VPS8: variants seen among roughly 807,000 people sequenced by gnomAD.
VPS8 encodes vacuolar protein sorting-associated protein 8 homolog.
A neutral mutation model predicts 216.4 loss-of-function variants in VPS8; 129 were observed. The ratio of observed to expected loss-of-function variants is 0.60; its 90% confidence interval spans 0.52 to 0.69. VPS8 has a LOEUF of 0.69. Among genes scored for constraint, VPS8 ranks in the 30% least tolerant of loss-of-function variants. The pLI is 0.00. For synonymous variants in VPS8, 571 were observed against 565.4 expected (o/e 1.01, Z -0.14); for missense variants, 1,531 against 1,683.5 (o/e 0.91, Z 1.59).
intron 46 of VPS8, among the ~76,000 whole-genome samples, chr3:185,046,851 T>C (rs1713029032): frequency 6.6e-6 from 1 of 152,158 alleles, no homozygotes; most frequent in South Asian, 2.1e-4. Context: ...CCTGTGTTCT[T>C]ACTGCATGGC....
chr3:185,032,286 G>A (rs1295721628), intron 46 of VPS8, among the ~76,000 whole-genome samples: 2 of 152,196 alleles, frequency 1.3e-5, no homozygotes, highest in East Asian at 3.8e-4. Context: ...TTTATGTAAA[G>A]AGAGACTTGA....
At chr3:184,946,866 T>G (rs1012766261) in intron 36 of VPS8, among the ~76,000 whole-genome samples, 3 of 152,098 alleles carry the variant, frequency 2.0e-5, no homozygotes, top group African/African-American at 7.2e-5. Context: ...GTTCTTAGTT[T>G]AGACACTCTA....
chr3:184,820,864 TA>T (rs1717428905), intron 1 of VPS8, among the ~76,000 whole-genome samples: 1 of 152,196 alleles, frequency 6.6e-6, no homozygotes, highest in South Asian at 2.1e-4. Context: ...ACACTTCTGT[TA>T]TAATTAAAGT....
chr3:184,888,775 A>G (rs1295841111), intron 22 of VPS8, among the ~76,000 whole-genome samples: 4 of 152,236 alleles, frequency 2.6e-5, no homozygotes, highest in Non-Finnish European at 5.9e-5. Flanking sequence ...AATTTTATTT[A>G]GAGTAAAACG....
chr3:184,864,660 G>T (rs749589872), intron 16 of VPS8, among the ~76,000 whole-genome samples: 2 of 152,160 alleles, frequency 1.3e-5, no homozygotes, highest in Non-Finnish European at 1.5e-5. Context: ...AATAAATGGC[G>T]CACTGGTCCC....
Position 184,924,897 on chromosome 3 carries a change from A to G in VPS8, c.2490A>G (p.Gln830=), listed in dbSNP as rs761037609. ...MVENSDFTPS[Q]VGCLFTFLAR... The stretch of plus-strand genomic sequence containing the variant: ...AGAATTCAGACTTTACCCCCTCACA[A>G]GTAGGATGTCTCTTTACCTTCCTTG... Residue 830 remains glutamine (Q), a synonymous_variant, in exon 30 of 48, where the codon CAA becomes CAG. Transcript: ENST00000625842. 2 of 1,613,534 alleles carry G rather than the reference A, an allele frequency of 1.2e-6. No individual in the cohort carries two copies. Among genetic ancestry groups the G allele is most frequent in the South Asian group, 1.1e-5 (1 of 91,058 alleles).
chr3:184,909,987 C>G (rs1736176910), intron 25 of VPS8, among the ~76,000 whole-genome samples: 1 of 151,924 alleles, frequency 6.6e-6, no homozygotes. Flanking sequence ...TTGTGCAGCT[C>G]CAGTCTCTCC....
chr3:185,048,631 T>C, intron 47 of VPS8, 72 bp downstream of exon 47: 1 of 1,545,098 alleles, frequency 6.5e-7, no homozygotes. Flanking sequence ...GGCAGTGTCT[T>C]GGAACCTCCC....
intron 43 of VPS8, among the ~76,000 whole-genome samples, chr3:184,994,756 T>A (rs1046506745): frequency 1.3e-5 from 2 of 152,212 alleles, no homozygotes; most frequent in Admixed American, 6.5e-5. Context: ...CTGAAACAGA[T>A]AGTTGTCACT....
At chr3:184,815,368 A>G (rs1452003742) in intron 1 of VPS8, among the ~76,000 whole-genome samples, 1 of 152,194 alleles carries the variant, frequency 6.6e-6, no homozygotes, top group East Asian at 1.9e-4. Flanking sequence ...CAGATGAGTA[A>G]TGCATTCATT....
chr3:184,843,299 T>A, intron 8 of VPS8, 54 bp downstream of exon 8: 2 of 1,302,222 alleles, frequency 1.5e-6, no homozygotes, highest in Non-Finnish European at 2.0e-6. Flanking sequence ...CTTTTTAATG[T>A]TGGAAGAGAA....
chr3:184,982,718 T>C lies in VPS8; in HGVS notation c.3502+71T>C, dbSNP rs1056877731. Reference sequence around the variant, plus strand: ...GTCCAATATTTGTCTGCAGAAACTATCAGTATAATATCTTTTTCCAATAGC... The same window carrying C: ...GTCCAATATTTGTCTGCAGAAACTACCAGTATAATATCTTTTTCCAATAGC... On this transcript the variant is annotated intron_variant, in intron 41 of 47. Transcript: ENST00000625842. 3.2e-5 allele frequency: 40 copies of C among 1,261,948 alleles called. No individual in the cohort carries two copies. The African/African-American group carries it at 5.6e-4, about 18-fold the overall frequency. The allele number at this position is 1,261,948 out of a possible 1,614,324, so 78.2% of individuals were successfully genotyped here.
intron 40 of VPS8, among the ~76,000 whole-genome samples, chr3:184,973,348 T>C (rs1748740850): frequency 6.6e-6 from 1 of 152,172 alleles, no homozygotes; most frequent in African/African-American, 2.4e-5. Context: ...CTTTTAAAAA[T>C]ATAGTACTCA....
At chr3:184,943,102 A>G (rs144427723) in intron 36 of VPS8, among the ~76,000 whole-genome samples, 4 of 152,298 alleles carry the variant, frequency 2.6e-5, no homozygotes, top group Middle Eastern at 3.4e-3. Context: ...AGCTCTTTGC[A>G]TTATAGGCAC....
chr3:184,961,345 A>G (rs1474723365), intron 37 of VPS8, among the ~76,000 whole-genome samples: 2 of 152,240 alleles, frequency 1.3e-5, no homozygotes, highest in African/African-American at 2.4e-5. Flanking sequence ...TATTTTCTGC[A>G]TCTGCCTCCT....
intron 39 of VPS8, among the ~76,000 whole-genome samples, chr3:184,968,632 A>G (rs1282198340): frequency 6.6e-6 from 1 of 152,172 alleles, no homozygotes; most frequent in African/African-American, 2.4e-5. Flanking sequence ...ATGATTAGTG[A>G]TGATTTTCCT....
At chr3:184,917,463 CTT>C (rs1737800714) in intron 28 of VPS8, among the ~76,000 whole-genome samples, 1 of 152,112 alleles carries the variant, frequency 6.6e-6, no homozygotes, top group African/African-American at 2.4e-5. Flanking sequence ...GAGCTTTGCT[CTT>C]GTCTCCCAGG....
intron 3 of VPS8, among the ~76,000 whole-genome samples, chr3:184,829,524 AT>A (rs1719547801): frequency 6.6e-6 from 1 of 151,994 alleles, no homozygotes; most frequent in South Asian, 2.1e-4. Flanking sequence ...CTTTATACAC[AT>A]TTCTGTTGGG....
intron 8 of VPS8, among the ~76,000 whole-genome samples, chr3:184,846,078 C>G (rs145172590): frequency 2.7e-3 from 417 of 152,158 alleles, no homozygotes; most frequent in Non-Finnish European, 4.8e-3. Context: ...AAGAAACATT[C>G]CTAAAATTAC....
Sources: allele counts gnomAD v4.1 joint callset (sites outside exome capture counted in the v4.1 genomes callset), GRCh38; gene constraint gnomAD v4.1.1; transcripts MANE v1.5; gene names NCBI Gene and HGNC (gene_info 2026-07-23, HGNC 2026-07-21).